ABCC1: variants seen among roughly 807,000 people sequenced by gnomAD.
ABCC1 encodes ATP binding cassette subfamily C member 1 (ABCC1 blood group).
A neutral mutation model predicts 172.9 loss-of-function variants in ABCC1; 83 were observed. The observed-to-expected ratio is 0.48, with a 90% CI of 0.40 to 0.58. The LOEUF (loss-of-function observed/expected upper bound fraction) is 0.58, where lower values mean the gene tolerates loss of function less well. Among genes scored for constraint, ABCC1 ranks in the 20% least tolerant of loss-of-function variants. The pLI is 0.00. For missense variants in ABCC1, 1,817 were observed against 2,002.7 expected, an observed-to-expected ratio of 0.91 and a Z score of 1.77; for synonymous variants, 937 against 825.2, an observed-to-expected ratio of 1.14 and a Z score of -2.32.
At chr16:16,127,417 TTGA>T (rs1332449630) in intron 26 of ABCC1, among the ~76,000 whole-genome samples, 44 of 152,188 alleles carry the variant, frequency 2.9e-4, no homozygotes, top group Admixed American at 2.9e-3. Context: ...CAGACTCATC[TTGA>T]TCTCCTGAGC....
intron 19 of ABCC1, among the ~76,000 whole-genome samples, chr16:16,092,099 G>T (rs891952375): frequency 6.6e-6 from 1 of 152,134 alleles, no homozygotes; most frequent in African/African-American, 2.4e-5. Context: ...TTATCCTGGC[G>T]TGGTGGCGCA....
chr16:16,088,156 T>C (rs1567389401), intron 18 of ABCC1, among the ~76,000 whole-genome samples: 3 of 151,312 alleles, frequency 2.0e-5, no homozygotes, highest in Non-Finnish European at 1.5e-5. Flanking sequence ...TGTGTGCATG[T>C]ATATAAAGTA....
At chr16:15,949,256 G>C (rs2045791203), upstream of ABCC1, among the ~76,000 whole-genome samples, 1 of 147,894 alleles carries the variant, frequency 6.8e-6, no homozygotes, top group South Asian at 2.3e-4. Flanking sequence ...GTACACTCCA[G>C]GCAGGTAGGG....
rs909969810 is a variant in ABCC1 at position 16,027,374 on chromosome 16, A to G, written c.616-5735A>G. Reference sequence around the variant, plus strand: ...TAAATGAATGGGTGTGACTGTTCCAATGAAACTTTATTTATAAATAGCTGG... The same window carrying G: ...TAAATGAATGGGTGTGACTGTTCCAGTGAAACTTTATTTATAAATAGCTGG... On this transcript the variant is annotated intron_variant, in intron 5 of 30. Transcript: ENST00000399410. 1.8e-4 allele frequency among the ~76,000 whole-genome samples: 27 copies of G among 152,140 alleles called. 3 individuals carry two copies. Among genetic ancestry groups the G allele is most frequent in the South Asian group, 4.1e-4 (2 of 4,826 alleles).
intron 16 of ABCC1, among the ~76,000 whole-genome samples, chr16:16,082,456 C>A (rs551421328): frequency 3.3e-5 from 5 of 152,194 alleles, no homozygotes; most frequent in Non-Finnish European, 5.9e-5. Context: ...ACTACCTCAG[C>A]ATTTTCATTA....
chr16:16,068,446 G>A (rs556817811), intron 13 of ABCC1, 144 bp downstream of exon 13: 23 of 930,052 alleles, frequency 2.5e-5, no homozygotes, highest in Admixed American at 2.0e-4. Context: ...CCATGCTTTC[G>A]TCTGGTCATG....
intron 5 of ABCC1, among the ~76,000 whole-genome samples, chr16:16,030,998 C>T (rs2048540079): frequency 6.6e-6 from 1 of 152,214 alleles, no homozygotes; most frequent in African/African-American, 2.4e-5. Context: ...CAGGCACCCA[C>T]CACCACATCC....
At chr16:16,127,674 C>T (rs2045494523) in intron 26 of ABCC1, among the ~76,000 whole-genome samples, 1 of 152,180 alleles carries the variant, frequency 6.6e-6, no homozygotes, top group African/African-American at 2.4e-5. Flanking sequence ...TACCCGGCCT[C>T]CTGAGGAGAG....
intron 5 of ABCC1, among the ~76,000 whole-genome samples, chr16:16,018,578 G>T (rs538645188): frequency 1.3e-5 from 2 of 152,112 alleles, no homozygotes; most frequent in South Asian, 4.2e-4. Flanking sequence ...GCATGTCCCA[G>T]TGTATGTTCT....
At chr16:16,096,236 AC>A (rs2051474337) in intron 19 of ABCC1, among the ~76,000 whole-genome samples, 1 of 147,550 alleles carries the variant, frequency 6.8e-6, no homozygotes, top group African/African-American at 2.5e-5. Context: ...CAAAAAAAAA[AC>A]AAAAAAACAA....
At chr16:15,996,470 C>T (rs1456486755) in intron 1 of ABCC1, among the ~76,000 whole-genome samples, 1 of 152,170 alleles carries the variant, frequency 6.6e-6, no homozygotes, top group Non-Finnish European at 1.5e-5. Context: ...GATGCTCAGG[C>T]CTCAGTGGAA....
intron 19 of ABCC1, chr16:16,097,939 TCAC>T (rs1451228981): frequency 6.6e-6 from 1 of 152,318 alleles, no homozygotes; most frequent in Middle Eastern, 3.2e-3. Context: ...CCTTGAGAGC[TCAC>T]AGTCTGATGG....
Position 16,114,899 on chromosome 16 carries a change from C to G in ABCC1, c.3213C>G (p.Asn1071Lys), listed in dbSNP as rs2044786404. The G allele has an allele frequency of 6.2e-7, 1 of 1,613,934 alleles. No homozygotes were observed. Among genetic ancestry groups the G allele is most frequent in the Non-Finnish European group, 8.5e-7 (1 of 1,179,920 alleles). ...TCTTTGAGCGGACCCCCAGTGGGAACCTGGTGAACCGCTTCTCCAAGGAGC... is the reference window on the plus strand; with the variant it reads ...TCTTTGAGCGGACCCCCAGTGGGAAGCTGGTGAACCGCTTCTCCAAGGAGC... ...MSFFERTPSG[N>K]LVNRFSKELD... Residue 1071 changes from asparagine (N) to lysine (K), a missense_variant, in exon 23 of 31, where the codon AAC becomes AAG. Asn to Lys is a moderately conservative substitution (Grantham distance 94). This residue lies in a region of ABCC1 where 1,412 missense variants were observed against 1,600.3 expected (regional missense o/e 0.88). Transcript: ENST00000399410.
intron 15 of ABCC1, 68 bp downstream of exon 15, chr16:16,076,469 C>A: frequency 7.0e-7 from 1 of 1,429,226 alleles, no homozygotes; most frequent in Non-Finnish European, 9.4e-7. Flanking sequence ...AACGTGGATT[C>A]GAATTCCCAC....
At chr16:16,060,961 C>T (rs1050338919) in intron 12 of ABCC1, among the ~76,000 whole-genome samples, 3 of 152,110 alleles carry the variant, frequency 2.0e-5, no homozygotes, top group Admixed American at 6.5e-5. Context: ...GGATTACAGG[C>T]GCCTACTACC....
intron 26 of ABCC1, among the ~76,000 whole-genome samples, chr16:16,127,367 G>A (rs567662037): frequency 6.6e-6 from 1 of 152,116 alleles, no homozygotes; most frequent in African/African-American, 2.4e-5. Context: ...CCATCACACC[G>A]GACTGATTTT....
At chr16:16,107,501 G>A (rs1350421009) in intron 21 of ABCC1, among the ~76,000 whole-genome samples, 5 of 152,252 alleles carry the variant, frequency 3.3e-5, no homozygotes, top group South Asian at 2.1e-4. Flanking sequence ...TGTTGGCCAG[G>A]CTGGTCTTGA....
Position 16,071,656 on chromosome 16 carries a change from C to T in ABCC1, c.1839C>T (p.Leu613=). 6.2e-7 allele frequency: 1 copy of T among 1,614,020 alleles called. No homozygotes were observed. Among genetic ancestry groups the T allele is most frequent in the African/African-American group, 1.3e-5 (1 of 75,036 alleles). The stretch of plus-strand genomic sequence containing the variant: ...TCTCTGTACAGGCGAGTGTCTCCCT[C>T]AAACGCCTGAGGATCTTTCTCTCCC... ...ISSIVQASVS[L]KRLRIFLSHE... is the part of the protein sequence containing the mutation. The change falls in exon 14 of 31, where the codon CTC becomes CTT. Residue 613 remains leucine (L), a synonymous_variant. Transcript: ENST00000399410.
intron 8 of ABCC1, among the ~76,000 whole-genome samples, chr16:16,045,290 C>T (rs992560078): frequency 1.4e-5 from 2 of 147,260 alleles, no homozygotes; most frequent in African/African-American, 2.5e-5. Context: ...CCCAGCTACT[C>T]AGGAGGCTGA....
Sources: allele counts gnomAD v4.1 joint callset (sites outside exome capture counted in the v4.1 genomes callset), GRCh38; gene constraint gnomAD v4.1.1; regional missense constraint gnomAD v4.1.1; transcripts MANE v1.5; gene names NCBI Gene and HGNC (gene_info 2026-07-23, HGNC 2026-07-21).